Variants in KCNIP1 observed in about 807,000 individuals in gnomAD.
KCNIP1 encodes the protein A-type potassium channel modulatory protein KCNIP1.
A neutral mutation model predicts 33.0 loss-of-function variants in KCNIP1; 18 were observed. The ratio of observed to expected loss-of-function variants is 0.55; its 90% CI spans 0.38 to 0.81. KCNIP1 has a LOEUF of 0.81. Among genes scored for constraint, KCNIP1 ranks in the 30% least tolerant of loss-of-function variants. The pLI is 0.00. For synonymous variants in KCNIP1, 93 were observed against 98.3 expected, an observed-to-expected ratio of 0.95 and a Z score of 0.32; for missense variants, 238 against 271.6, an observed-to-expected ratio of 0.88 and a Z score of 0.87.
intron 1 of KCNIP1, among the ~76,000 whole-genome samples, chr5:170,557,085 T>TC (rs1359650851): frequency 6.6e-6 from 1 of 152,122 alleles, no homozygotes; most frequent in Non-Finnish European, 1.5e-5. Context: ...CTAAGCCTTC[T>TC]CCCATGCTCC....
chr5:170,693,406 C>T (rs1305707346), intron 1 of KCNIP1, among the ~76,000 whole-genome samples: 2 of 152,234 alleles, frequency 1.3e-5, no homozygotes, highest in African/African-American at 4.8e-5. Flanking sequence ...TGTGCATCCT[C>T]TGTGTGCCAT....
chr5:170,419,541 G>A (rs1755423635), intron 1 of KCNIP1, among the ~76,000 whole-genome samples: 1 of 152,170 alleles, frequency 6.6e-6, no homozygotes, highest in Admixed American at 6.5e-5. Context: ...ATGGAGCTTG[G>A]AGTCAGAAAT....
At chr5:170,663,387 G>A (rs1044575264) in intron 1 of KCNIP1, among the ~76,000 whole-genome samples, 1 of 152,154 alleles carries the variant, frequency 6.6e-6, no homozygotes, top group African/African-American at 2.4e-5. Context: ...GTTTCAGTAA[G>A]AGAAAGGAGG....
chr5:170,687,631 A>G (rs903578950), intron 1 of KCNIP1, among the ~76,000 whole-genome samples: 4 of 152,200 alleles, frequency 2.6e-5, no homozygotes, highest in Non-Finnish European at 4.4e-5. Context: ...ACTCTGAGCC[A>G]TGCCTCCTGA....
chr5:170,433,114 C>T (rs1412225393), intron 1 of KCNIP1, among the ~76,000 whole-genome samples: 1 of 152,150 alleles, frequency 6.6e-6, no homozygotes, highest in East Asian at 1.9e-4. Context: ...AAGAAAGTAT[C>T]GTGACCTGAT....
chr5:170,468,282 T>C (rs932612636), intron 1 of KCNIP1, among the ~76,000 whole-genome samples: 2 of 152,214 alleles, frequency 1.3e-5, no homozygotes, highest in Non-Finnish European at 2.9e-5. Context: ...AATTAAAATA[T>C]ATTAAGCCTA....
At chr5:170,533,293 C>T (rs2113352041) in intron 1 of KCNIP1, among the ~76,000 whole-genome samples, 1 of 152,308 alleles carries the variant, frequency 6.6e-6, no homozygotes, top group African/African-American at 2.4e-5. Context: ...ATATTCCCCG[C>T]CTGGGCATAG....
chr5:170,668,503 G>C (rs1761793077), intron 1 of KCNIP1, among the ~76,000 whole-genome samples: 1 of 152,158 alleles, frequency 6.6e-6, no homozygotes, highest in African/African-American at 2.4e-5. Context: ...GTCAGCCCTA[G>C]AAATCTCTGA....
intron 1 of KCNIP1, among the ~76,000 whole-genome samples, chr5:170,356,988 G>T (rs1038230847): frequency 2.6e-5 from 4 of 152,192 alleles, no homozygotes; most frequent in African/African-American, 9.7e-5. Context: ...CTTGCATAGT[G>T]TCTAGGGAAG....
intron 1 of KCNIP1, among the ~76,000 whole-genome samples, chr5:170,691,369 G>A (rs187942805): frequency 6.6e-6 from 1 of 152,330 alleles, no homozygotes; most frequent in East Asian, 1.9e-4. Context: ...TTAGTTGGAC[G>A]AGAGCTTGAA....
chr5:170,733,570 G>A (rs1404406075), intron 6 of KCNIP1, among the ~76,000 whole-genome samples: 2 of 152,184 alleles, frequency 1.3e-5, no homozygotes, highest in East Asian at 3.9e-4. Context: ...AGAAGAAGCA[G>A]AATAAGCCAG....
intron 1 of KCNIP1, chr5:170,484,030 T>A (rs778077656): frequency 1.3e-5 from 2 of 152,152 alleles, no homozygotes; most frequent in Non-Finnish European, 2.9e-5. Flanking sequence ...GGTCCCTCGG[T>A]GAGACTGGCA....
intron 1 of KCNIP1, among the ~76,000 whole-genome samples, chr5:170,547,901 T>A (rs1306499361): frequency 6.6e-6 from 1 of 152,218 alleles, no homozygotes; most frequent in East Asian, 1.9e-4. Context: ...GTGGGATTTC[T>A]GGGTCGAATA....
upstream of KCNIP1, among the ~76,000 whole-genome samples, chr5:170,500,285 C>T (rs556507838): frequency 5.3e-5 from 8 of 152,262 alleles, no homozygotes; most frequent in Middle Eastern, 6.8e-3. Flanking sequence ...CATACAGGGG[C>T]TTAGAGCTTC....
At chr5:170,680,939 G>C (rs538551500) in intron 1 of KCNIP1, 10 of 397,754 alleles carry the variant, frequency 2.5e-5, no homozygotes, top group African/African-American at 2.1e-4. Context: ...GAGGGAGGCA[G>C]AAAGAGGAAG....
intron 1 of KCNIP1, among the ~76,000 whole-genome samples, chr5:170,712,274 A>G (rs912851542): frequency 2.6e-5 from 4 of 152,370 alleles, no homozygotes; most frequent in African/African-American, 9.6e-5. Flanking sequence ...GCATCTGGTT[A>G]CTAATCAAGC....
intron 1 of KCNIP1, among the ~76,000 whole-genome samples, chr5:170,710,014 C>T (rs572709203): frequency 2.6e-5 from 4 of 152,086 alleles, no homozygotes; most frequent in Admixed American, 6.6e-5. Flanking sequence ...ACTACAGGCG[C>T]GCACCACCAT....
intron 1 of KCNIP1, among the ~76,000 whole-genome samples, chr5:170,410,438 C>T (rs975143200): frequency 1.3e-5 from 2 of 152,150 alleles, no homozygotes; most frequent in Admixed American, 6.5e-5. Context: ...CACAGGGGAT[C>T]GCAGACATAG....
chr5:170,556,084 G>A (rs6862933), intron 1 of KCNIP1, among the ~76,000 whole-genome samples: 2 of 152,116 alleles, frequency 1.3e-5, no homozygotes, highest in Non-Finnish European at 2.9e-5. Flanking sequence ...AAATATGTAC[G>A]AGGCACGGGA....
Sources: allele counts gnomAD v4.1 joint callset (sites outside exome capture counted in the v4.1 genomes callset), GRCh38; gene constraint gnomAD v4.1.1; transcripts MANE v1.5; gene names NCBI Gene and HGNC (gene_info 2026-07-23, HGNC 2026-07-21).